WT1: variants seen among roughly 807,000 people sequenced by gnomAD.
WT1 encodes WT1 transcription factor.
Under a neutral mutation model 60.8 loss-of-function variants are expected in WT1, and 8 were observed. The observed-to-expected ratio is 0.13, with a 90% CI of 0.08 to 0.24. WT1 has a LOEUF of 0.24. Ranked by LOEUF, WT1 falls within the 10% of genes least tolerant of loss-of-function variation. The probability of loss-of-function intolerance (pLI) is 1.00; values close to 1 mark genes in which losing one functional copy is unlikely to be tolerated. For missense variants in WT1, 568 were observed against 711.8 expected (o/e 0.80, Z 2.30); for synonymous variants, 312 against 297.1 (o/e 1.05, Z -0.52).
At chr11:32,424,262 C>G (rs1852951884) in intron 3 of WT1, among the ~76,000 whole-genome samples, 1 of 151,784 alleles carries the variant, frequency 6.6e-6, no homozygotes, top group Admixed American at 6.6e-5. Flanking sequence ...CAGAGCACAG[C>G]TGGGCTGTGA....
At chr11:32,427,901 A>G in intron 3 of WT1, 55 bp downstream of exon 3, 1 of 1,535,388 alleles carries the variant, frequency 6.5e-7, no homozygotes. Context: ...CCGCCGGCTC[A>G]TGCGTCCCCT....
At chr11:32,429,462 TCCCCCC>T (rs10580209) in intron 1 of WT1, among the ~76,000 whole-genome samples, 1 of 124,628 alleles carries the variant, frequency 8.0e-6, no homozygotes, top group Non-Finnish European at 1.7e-5. Flanking sequence ...ATCCTAGCAT[TCCCCCC>T]CCCCCCCAAA....
At chr11:32,427,898 C>T (rs1466988367) in intron 3 of WT1, 58 bp downstream of exon 3, 34 of 1,524,280 alleles carry the variant, frequency 2.2e-5, no homozygotes, top group Non-Finnish European at 2.6e-5. Context: ...AGTCCGCCGG[C>T]TCATGCGTCC....
intron 5 of WT1, 62 bp downstream of exon 5, chr11:32,416,428 C>T (rs1199182155): frequency 6.2e-7 from 1 of 1,608,578 alleles, no homozygotes; most frequent in Non-Finnish European, 8.5e-7. Flanking sequence ...CCTGCATTGC[C>T]CCAGGTGCCA....
chr11:32,396,245 G>A lies in WT1; in HGVS notation c.1264+12C>T, dbSNP rs369633552. Reference sequence around the variant, plus strand: ...CCATGTTTGCCCAAGACTGGACAGCGGGCACACTTACCAGTGTGCTTCCTG... The same window carrying A: ...CCATGTTTGCCCAAGACTGGACAGCAGGCACACTTACCAGTGTGCTTCCTG... On this transcript the variant is annotated intron_variant, in intron 7 of 9. Transcript: ENST00000452863. 6.4e-5 allele frequency: 103 copies of A among 1,613,968 alleles called. No individual in the cohort carries two copies. The highest frequency in any genetic ancestry group is 1.1e-4 in the African/African-American group (8 of 74,908).
At chr11:32,427,641 A>G (rs1018024979) in intron 3 of WT1, among the ~76,000 whole-genome samples, 3 of 152,218 alleles carry the variant, frequency 2.0e-5, no homozygotes, top group Non-Finnish European at 2.9e-5. Flanking sequence ...CTCCGTGTTT[A>G]ATATTTAGTC....
chr11:32,421,805 TA>T (rs1395237822), intron 3 of WT1, among the ~76,000 whole-genome samples: 1 of 152,222 alleles, frequency 6.6e-6, no homozygotes, highest in Non-Finnish European at 1.5e-5. Context: ...TTTTCATCTT[TA>T]AGTCTGTTTA....
chr11:32,398,501 A>T (rs983076195), intron 6 of WT1, among the ~76,000 whole-genome samples: 1 of 152,118 alleles, frequency 6.6e-6, no homozygotes, highest in Non-Finnish European at 1.5e-5. Context: ...TACTTTCTTC[A>T]TGCTCCTTGG....
chr11:32,416,445 A>T (rs762563522), intron 5 of WT1, 45 bp downstream of exon 5: 9 of 1,613,682 alleles, frequency 5.6e-6, no homozygotes, highest in Admixed American at 1.7e-5. Context: ...GCCAGTCAGC[A>T]AGGCCTACGC....
intron 3 of WT1, among the ~76,000 whole-genome samples, chr11:32,421,094 C>T (rs1852839393): frequency 6.6e-6 from 1 of 152,178 alleles, no homozygotes; most frequent in South Asian, 2.1e-4. Flanking sequence ...AAGTCAATGA[C>T]AGCAATGACA....
chr11:32,393,867 G>T (rs1851889030), intron 7 of WT1, among the ~76,000 whole-genome samples: 1 of 152,186 alleles, frequency 6.6e-6, no homozygotes, highest in Admixed American at 6.5e-5. Flanking sequence ...CAATGGGTTG[G>T]AAAATCCTAA....
At chr11:32,420,486 A>C (rs1451092073) in intron 3 of WT1, among the ~76,000 whole-genome samples, 1 of 152,142 alleles carries the variant, frequency 6.6e-6, no homozygotes, top group Non-Finnish European at 1.5e-5. Flanking sequence ...AACCTACCAA[A>C]TTTTGCACAG....
At chr11:32,422,474 A>G (rs2418910) in intron 3 of WT1, among the ~76,000 whole-genome samples, 57,758 of 152,098 alleles carry the variant, frequency 0.38, 11,992 homozygotes, top group East Asian at 0.74. Flanking sequence ...ACTAAGGGAA[A>G]AGGCAGTGTA....
intron 2 of WT1, 67 bp downstream of exon 2, chr11:32,428,430 T>A (rs1018853689): frequency 1.3e-5 from 21 of 1,610,404 alleles, no homozygotes; most frequent in Non-Finnish European, 1.8e-5. Flanking sequence ...GGGTTAGGAA[T>A]TCCTGGGGGA....
At chr11:32,414,229 G>A (rs868781866) in intron 5 of WT1, among the ~76,000 whole-genome samples, 6 of 152,176 alleles carry the variant, frequency 3.9e-5, no homozygotes, top group African/African-American at 1.4e-4. Context: ...ACAGCTCCCT[G>A]AATAAAGTTA....
chr11:32,401,929 G>T (rs1156717901), intron 5 of WT1, among the ~76,000 whole-genome samples: 5 of 152,138 alleles, frequency 3.3e-5, no homozygotes, highest in African/African-American at 4.8e-5. Context: ...TCTAACAGTT[G>T]GTTCCAGGGG....
intron 8 of WT1, 28 bp from the exon 9 acceptor site, chr11:32,392,092 G>A (rs998052422): frequency 9.9e-6 from 16 of 1,608,154 alleles, no homozygotes; most frequent in Non-Finnish European, 1.2e-5. Context: ...GTCTAGCCTC[G>A]GCCCTAACAA....
In WT1 at chr11:32,434,985, C is replaced by G. The variant is rs1853454814; in HGVS notation, c.376G>C (p.Gly126Arg). 2 of 1,513,794 alleles carry G rather than the reference C, an allele frequency of 1.3e-6. No individual in the cohort carries two copies. Among genetic ancestry groups the G allele is most frequent in the Non-Finnish European group, 1.8e-6 (2 of 1,138,498 alleles). 93.8% of individuals were successfully genotyped at this position (1,513,794 alleles called of 1,614,324 possible). ...GGCGGAGCCGGTGGCGGCGCGGGGC[C>G]GCCCAACGACCCGTAAGCCGAAGCG... Residue 126 changes from glycine (G) to arginine (R), a missense_variant, in exon 1 of 10, where the codon GGC becomes CGC. Physicochemically the swap from Gly to Arg is moderately radical, Grantham distance 125 (BLOSUM62 -2). Around this residue, in one of 3 missense-constraint regions of WT1, gnomAD observed 523 missense variants for 565.1 expected, o/e 0.93. Transcript: ENST00000452863.
intron 5 of WT1, among the ~76,000 whole-genome samples, chr11:32,408,164 A>G (rs958651659): frequency 6.7e-6 from 1 of 149,074 alleles, no homozygotes; most frequent in Admixed American, 6.8e-5. Flanking sequence ...CGGAAGTTGC[A>G]GTGAGCCGAG....
Sources: allele counts gnomAD v4.1 joint callset (sites outside exome capture counted in the v4.1 genomes callset), GRCh38; gene constraint gnomAD v4.1.1; regional missense constraint gnomAD v4.1.1; transcripts MANE v1.5; gene names NCBI Gene and HGNC (gene_info 2026-07-23, HGNC 2026-07-21).